Variants in PRDM16 observed in about 807,000 individuals in gnomAD.
PRDM16 encodes the protein PR/SET domain 16.
A neutral mutation model predicts 110.6 loss-of-function variants in PRDM16; 23 were observed. The ratio of observed to expected loss-of-function variants is 0.21; its 90% CI spans 0.15 to 0.29. PRDM16 has a LOEUF of 0.29. PRDM16 is among the 10% of genes least tolerant of loss of function. The probability of loss-of-function intolerance (pLI) is 1.00; values close to 1 mark genes in which losing one functional copy is unlikely to be tolerated. For synonymous variants in PRDM16, 799 were observed against 781.8 expected (o/e 1.02, Z -0.37); for missense variants, 1,615 against 1,794.3 (o/e 0.90, Z 1.81).
chr1:3,321,715 C>T lies in PRDM16; in HGVS notation c.439-63437C>T, dbSNP rs572727804. On this transcript the variant is annotated intron_variant, in intron 3 of 16. Coordinates refer to ENST00000270722, the MANE Select transcript of PRDM16 (RefSeq NM_022114.4). ...CGTGTGTGTGCTTTGTGTGGGTGTACATGTGTATGTGTGACGTACATGTGT... is the reference window on the plus strand; with the variant it reads ...CGTGTGTGTGCTTTGTGTGGGTGTATATGTGTATGTGTGACGTACATGTGT... Among the ~76,000 whole-genome samples the T allele has an allele frequency of 7.7e-4, 112 of 145,104 alleles. 1 individual carries two copies. The South Asian group carries it at 0.019, about 24-fold the overall frequency.
intron 1 of PRDM16, among the ~76,000 whole-genome samples, chr1:3,137,887 C>T (rs1643473082): frequency 6.6e-6 from 1 of 152,248 alleles, no homozygotes; most frequent in Non-Finnish European, 1.5e-5. Context: ...CGATGCTTGC[C>T]AGTTTCCAGG....
chr1:3,197,162 A>G (rs1380411603), intron 2 of PRDM16, among the ~76,000 whole-genome samples: 2 of 152,132 alleles, frequency 1.3e-5, no homozygotes, highest in South Asian at 2.1e-4. Flanking sequence ...GGACATCACC[A>G]TCTCCTCCCC....
chr1:3,410,110 G>T (rs1181552163), intron 8 of PRDM16, among the ~76,000 whole-genome samples: 1 of 151,226 alleles, frequency 6.6e-6, no homozygotes, highest in Non-Finnish European at 1.5e-5. Context: ...GTGTGTGCGT[G>T]TGTGTGGTGT....
At chr1:3,423,474 T>G (rs1638499564) in intron 12 of PRDM16, among the ~76,000 whole-genome samples, 2 of 152,006 alleles carry the variant, frequency 1.3e-5, no homozygotes. Flanking sequence ...AGGCCCCTCC[T>G]GTACAGGGCA....
intron 2 of PRDM16, among the ~76,000 whole-genome samples, chr1:3,220,987 A>C (rs867647324): frequency 2.0e-5 from 3 of 152,226 alleles, no homozygotes; most frequent in Admixed American, 6.5e-5. Context: ...CTTGATGCTC[A>C]GACTCAAGAG....
intron 1 of PRDM16, among the ~76,000 whole-genome samples, chr1:3,120,135 G>C (rs890359518): frequency 6.8e-6 from 1 of 145,994 alleles, no homozygotes; most frequent in South Asian, 2.2e-4. Context: ...GGGGATGGCA[G>C]GGTCAGCCCT....
At chr1:3,364,382 C>G (rs1642771842) in intron 3 of PRDM16, among the ~76,000 whole-genome samples, 1 of 152,176 alleles carries the variant, frequency 6.6e-6, no homozygotes, top group Admixed American at 6.5e-5. Flanking sequence ...TGGTAATTTA[C>G]AAACCCAAAA....
intron 1 of PRDM16, among the ~76,000 whole-genome samples, chr1:3,075,878 C>T (rs1208526460): frequency 3.3e-5 from 5 of 152,194 alleles, no homozygotes; most frequent in South Asian, 4.1e-4. Context: ...CGATCCACCT[C>T]GGGCCAGAGG....
intron 3 of PRDM16, chr1:3,309,450 G>A (rs1284186415): frequency 2.0e-5 from 3 of 152,252 alleles, no homozygotes; most frequent in African/African-American, 7.2e-5. Context: ...CATATGTGGG[G>A]AGCATTTCCA....
At chr1:3,259,422 C>T (rs971064708) in intron 3 of PRDM16, among the ~76,000 whole-genome samples, 1 of 152,172 alleles carries the variant, frequency 6.6e-6, no homozygotes. Flanking sequence ...CCTTGCAGCT[C>T]GCCAAGGGAT....
intron 3 of PRDM16, among the ~76,000 whole-genome samples, chr1:3,327,369 GC>G (rs980095729): frequency 3.5e-4 from 54 of 152,294 alleles, no homozygotes; most frequent in Non-Finnish European, 6.6e-4. Context: ...GGGGGGTCCT[GC>G]CCCCTCTGCC....
At chr1:3,315,118 G>T (rs974089212) in intron 3 of PRDM16, among the ~76,000 whole-genome samples, 1 of 141,086 alleles carries the variant, frequency 7.1e-6, no homozygotes, top group African/African-American at 2.6e-5. Flanking sequence ...ACTTGCTACC[G>T]CCTCTCTCTC....
Position 3,069,989 on chromosome 1 carries a change from C to T in PRDM16, c.37+693C>T, listed in dbSNP as rs1021783994. 3.9e-5 allele frequency among the ~76,000 whole-genome samples: 6 copies of T among 151,958 alleles called. No individual in the cohort carries two copies. Among genetic ancestry groups the T allele is most frequent in the African/African-American group, 1.2e-4 (5 of 41,430 alleles). ...GAACTGTGGTCGTGAAGTTTATCCC[C>T]GGCTGTGCCCCGCGTGGTGGAGGGC... On this transcript the variant is annotated intron_variant, in intron 1 of 16. Transcript: ENST00000270722. The surrounding 1 kb of genome is among the most constrained non-coding windows in gnomAD (Gnocchi z 6.1).
At chr1:3,317,453 G>A (rs1050219029) in intron 3 of PRDM16, among the ~76,000 whole-genome samples, 4 of 152,364 alleles carry the variant, frequency 2.6e-5, no homozygotes, top group East Asian at 1.9e-4. Context: ...CGGGCGTGCC[G>A]TCAGGGTCCT....
chr1:3,336,987 CTG>C lies in PRDM16; in HGVS notation c.439-48158_439-48157del, dbSNP rs370611745. On this transcript the variant is annotated intron_variant, in intron 3 of 16. Coordinates refer to ENST00000270722, the MANE Select transcript of PRDM16 (RefSeq NM_022114.4). ...CATGCACATATGTGTTGGTGTGAAT[CTG>C]TGTGTGCATGCATGCATGCACATGT... 9.5e-3 allele frequency among the ~76,000 whole-genome samples: 1,388 copies of C among 145,582 alleles called. 10 individuals are homozygous for C. Among genetic ancestry groups the C allele is most frequent in the Admixed American group, 0.014 (199 of 14,536 alleles).
rs747078580 is a variant in PRDM16, at chr1:3,359,804, A to C, written c.439-25348A>C. 2.0e-5 allele frequency among the ~76,000 whole-genome samples: 3 copies of C among 152,138 alleles called. No homozygotes were observed. Among genetic ancestry groups the C allele is most frequent in the Non-Finnish European group, 4.4e-5 (3 of 68,038 alleles). On this transcript the variant is annotated intron_variant, in intron 3 of 16. Coordinates refer to ENST00000270722, the MANE Select transcript of PRDM16 (RefSeq NM_022114.4). The surrounding 1 kb of genome is among the most constrained non-coding windows in gnomAD (Gnocchi z 4.3). Reference sequence around the variant, plus strand: ...GGCGGGAAAAACGAGCCTGGCCTGAAACCACGCCCGTGCTCAAAGTGATGT... The same window carrying C: ...GGCGGGAAAAACGAGCCTGGCCTGACACCACGCCCGTGCTCAAAGTGATGT...
intron 1 of PRDM16, among the ~76,000 whole-genome samples, chr1:3,115,579 C>T (rs1240822599): frequency 6.6e-6 from 1 of 152,346 alleles, no homozygotes; most frequent in Non-Finnish European, 1.5e-5. Flanking sequence ...CACACTGCCC[C>T]GGCGCCGGCC....
In PRDM16 at chr1:3,081,451, A is replaced by C. The variant is rs190925031; in HGVS notation, c.37+12155A>C. On this transcript the variant is annotated intron_variant, in intron 1 of 16. Coordinates refer to ENST00000270722, the MANE Select transcript of PRDM16 (RefSeq NM_022114.4). This position sits in a 1 kb window ranked among gnomAD's most constrained non-coding sequence, Gnocchi z 4.6. The stretch of plus-strand genomic sequence containing the variant: ...CCCTGGAGAGCCCCCTCCTTGTCCC[A>C]CCAGACCGAGCTGTGGCCGTGTGAG... 3.3e-5 allele frequency among the ~76,000 whole-genome samples: 5 copies of C among 152,240 alleles called. No homozygotes were observed. In the East Asian group the frequency reaches 9.7e-4, roughly 30 times the overall value.
At chr1:3,165,432 G>T (rs1643941114) in intron 1 of PRDM16, among the ~76,000 whole-genome samples, 1 of 128,822 alleles carries the variant, frequency 7.8e-6, no homozygotes, top group African/African-American at 3.1e-5. Context: ...CTCAGGGACA[G>T]TGACTCACCT....
Sources: allele counts gnomAD v4.1 joint callset (sites outside exome capture counted in the v4.1 genomes callset), GRCh38; gene constraint gnomAD v4.1.1; non-coding constraint Gnocchi (gnomAD v3.1); transcripts MANE v1.5; gene names NCBI Gene and HGNC (gene_info 2026-07-23, HGNC 2026-07-21).